The following IL34 variants were observed in gnomAD, a reference collection of about 807,000 sequenced individuals.
The protein encoded by IL34 is interleukin-34.
A neutral mutation model predicts 25.3 loss-of-function variants in IL34; 17 were observed. That is an observed-to-expected ratio of 0.67 (90% CI 0.46 to 1.01). IL34 has a LOEUF of 1.01. Ranked by LOEUF, IL34 falls within the 50% of genes least tolerant of loss-of-function variation. The probability of loss-of-function intolerance (pLI) is 0.00; values close to 1 mark genes in which losing one functional copy is unlikely to be tolerated. For missense variants in IL34, 368 were observed against 312.9 expected (o/e 1.18, Z -1.33); for synonymous variants, 174 against 140.9 (o/e 1.23, Z -1.66).
rs4985540 is a variant in IL34 at position 70,623,058 on chromosome 16, A to G, written c.-400-23490A>G. Among the ~76,000 whole-genome samples, 893 of 151,862 alleles carry G rather than the reference A, an allele frequency of 5.9e-3. 6 individuals carry two copies. Among genetic ancestry groups the G allele is most frequent in the Middle Eastern group, 0.017 (5 of 292 alleles). The stretch of plus-strand genomic sequence containing the variant: ...GGGGGATTAATCGGACACGAGCAGC[A>G]GGGGGAGCACCTGTGTTTTTATGAA... On this transcript the variant is annotated intron_variant, in intron 1 of 6. Coordinates refer to the IL34 transcript ENST00000429149.
chr16:70,633,202 T>A (rs530067619), intron 1 of IL34, among the ~76,000 whole-genome samples: 1 of 151,972 alleles, frequency 6.6e-6, no homozygotes, highest in African/African-American at 2.4e-5. Context: ...TGAGCTCAAG[T>A]GATCTGTCCT....
chr16:70,611,797 TC>T (rs2051095056), intron 1 of IL34, among the ~76,000 whole-genome samples: 1 of 151,448 alleles, frequency 6.6e-6, no homozygotes, highest in African/African-American at 2.4e-5. Context: ...TGAGCCGAGA[TC>T]ACACCACTGC....
At chr16:70,622,041 G>A (rs2051293792) in intron 1 of IL34, among the ~76,000 whole-genome samples, 3 of 152,040 alleles carry the variant, frequency 2.0e-5, no homozygotes, top group Admixed American at 2.0e-4. Context: ...TGATGGCTTG[G>A]CTTGGGCTCA....
At chr16:70,623,749 G>A (rs1250676129) in intron 1 of IL34, among the ~76,000 whole-genome samples, 1 of 151,706 alleles carries the variant, frequency 6.6e-6, no homozygotes, top group Non-Finnish European at 1.5e-5. Flanking sequence ...AGATAATTTA[G>A]TTAAAGTGTC....
In IL34 at chr16:70,625,324, A is replaced by T. The variant is rs564274854; in HGVS notation, c.-400-21224A>T. Among the ~76,000 whole-genome samples the T allele has an allele frequency of 6.6e-5, 10 of 152,092 alleles. No homozygotes were observed. The South Asian group carries it at 2.1e-3, about 32-fold the overall frequency. On this transcript the variant is annotated intron_variant, in intron 1 of 6. Coordinates refer to the IL34 transcript ENST00000429149. Reference sequence around the variant, plus strand: ...GTTCGGGGGTTCTTACCCTCCAGAAAAGTGGGAAGGGGGGTCGGGGCATGG... The same window carrying T: ...GTTCGGGGGTTCTTACCCTCCAGAATAGTGGGAAGGGGGGTCGGGGCATGG...
At chr16:70,616,621 A>T (rs925347980) in intron 1 of IL34, among the ~76,000 whole-genome samples, 1 of 152,068 alleles carries the variant, frequency 6.6e-6, no homozygotes, top group African/African-American at 2.4e-5. Context: ...ATTAGTTCTT[A>T]TAGGTTTTGG....
chr16:70,612,168 T>A (rs1184919762), intron 1 of IL34, among the ~76,000 whole-genome samples: 1 of 152,148 alleles, frequency 6.6e-6, no homozygotes, highest in East Asian at 1.9e-4. Flanking sequence ...AGTCTAGAAA[T>A]CGGGGTTCTG....
rs2052381479 is a variant in IL34, at chr16:70,660,542, C to T, written c.*355C>T. ...AGCTGTGGGTTGCAGGGGAGACAGC[C>T]AGCACGGCGTGGCCATTCTATGACC... On this transcript the variant is annotated 3_prime_UTR_variant, in exon 6 of 6. Coordinates refer to ENST00000288098, the MANE Select transcript of IL34 (RefSeq NM_001393494.1). 1 of 218,604 alleles carries T rather than the reference C, an allele frequency of 4.6e-6. No individual in the cohort carries two copies. Among genetic ancestry groups the T allele is most frequent in the African/African-American group, 2.3e-5 (1 of 43,816 alleles). 13.5% of individuals were successfully genotyped at this position (218,604 alleles called of 1,614,324 possible). A position where few individuals can be genotyped will look rare whatever the true frequency, so the allele number is the denominator to read the frequency against.
At chr16:70,608,543 A>T (rs1276105054) in intron 1 of IL34, among the ~76,000 whole-genome samples, 1 of 152,162 alleles carries the variant, frequency 6.6e-6, no homozygotes, top group Admixed American at 6.5e-5. Flanking sequence ...TCCCCAGTAA[A>T]ACCCAGTTTT....
intron 1 of IL34, among the ~76,000 whole-genome samples, chr16:70,580,891 G>A (rs918975540): frequency 4.0e-5 from 6 of 151,840 alleles, no homozygotes; most frequent in Admixed American, 3.9e-4. Flanking sequence ...AAATTAAAAT[G>A]AAGTGTTCTG....
chr16:70,647,545 G>C (rs1451320313), intron 1 of IL34, among the ~76,000 whole-genome samples: 1 of 152,258 alleles, frequency 6.6e-6, no homozygotes, highest in Non-Finnish European at 1.5e-5. Flanking sequence ...TCTTATGCCT[G>C]CTGGCTGGGA....
intron 1 of IL34, among the ~76,000 whole-genome samples, chr16:70,620,050 C>G (rs1391656354): frequency 1.3e-5 from 2 of 152,030 alleles, no homozygotes; most frequent in African/African-American, 4.8e-5. Context: ...GGAATTGCAA[C>G]TTTTTTCTAT....
chr16:70,586,312 A>G (rs2050694117), intron 1 of IL34, among the ~76,000 whole-genome samples: 1 of 152,202 alleles, frequency 6.6e-6, no homozygotes, highest in Non-Finnish European at 1.5e-5. Flanking sequence ...GGTGGCTCAC[A>G]TCTGTAATCC....
intron 2 of IL34, among the ~76,000 whole-genome samples, chr16:70,655,770 G>A (rs1372206408): frequency 3.3e-5 from 5 of 151,702 alleles, no homozygotes; most frequent in African/African-American, 1.2e-4. Flanking sequence ...GTGTAGTGGC[G>A]GGATCATAGC....
chr16:70,615,177 G>C (rs899421392), intron 1 of IL34, among the ~76,000 whole-genome samples: 1 of 152,100 alleles, frequency 6.6e-6, no homozygotes, highest in Non-Finnish European at 1.5e-5. Flanking sequence ...AAAGTCCATC[G>C]AATTCTAGAC....
At chr16:70,643,049 ATTATTTATTT>A (rs374472779), upstream of IL34, among the ~76,000 whole-genome samples, 260 of 152,154 alleles carry the variant, frequency 1.7e-3, 2 homozygotes, top group African/African-American at 5.2e-3. Flanking sequence ...TGTACACTTT[ATTATTTATTT>A]TTATTTATTT....
intron 1 of IL34, among the ~76,000 whole-genome samples, chr16:70,611,285 C>A (rs979875058): frequency 6.6e-6 from 1 of 152,124 alleles, no homozygotes; most frequent in African/African-American, 2.4e-5. Flanking sequence ...CCCAGATTGC[C>A]TGAACTCGCT....
intron 1 of IL34, among the ~76,000 whole-genome samples, chr16:70,652,300 TA>T (rs951413465): frequency 4.1e-5 from 6 of 147,890 alleles, no homozygotes; most frequent in East Asian, 2.0e-4. Flanking sequence ...TACAAAAAAT[TA>T]AAAAAAAAAT....
chr16:70,610,159 G>A (rs1360490289), intron 1 of IL34, among the ~76,000 whole-genome samples: 4 of 150,714 alleles, frequency 2.7e-5, no homozygotes, highest in African/African-American at 4.9e-5. Flanking sequence ...CCAAGATTGC[G>A]CCACTCCACT....
Sources: gnomAD v4.1 joint callset for allele counts (sites outside exome capture counted in the v4.1 genomes callset) on GRCh38, gnomAD v4.1.1 for gene constraint, MANE v1.5 for transcripts, NCBI Gene and HGNC (gene_info 2026-07-23, HGNC 2026-07-21) for gene names.